Variants in ABCA13 observed in about 807,000 individuals in gnomAD.
ABCA13 encodes ATP-binding cassette sub-family A member 13.
ABCA13 carries 476 observed loss-of-function variants against 478.7 expected under a neutral mutation model. The observed-to-expected ratio is 0.99, with a 90% CI of 0.92 to 1.07. The LOEUF is 1.07. Among genes scored for constraint, ABCA13 ranks in the 50% least tolerant of loss-of-function variants. The pLI, the probability that ABCA13 is intolerant of heterozygous loss-of-function variation, is 0.00. For missense variants in ABCA13, 6,060 were observed against 5,910.6 expected (o/e 1.03, Z -0.83); for synonymous variants, 2,252 against 2,158.9 (o/e 1.04, Z -1.20).
intron 15 of ABCA13, among the ~76,000 whole-genome samples, chr7:48,254,286 T>C (rs1793044055): frequency 6.6e-6 from 1 of 152,026 alleles, no homozygotes; most frequent in African/African-American, 2.4e-5. Context: ...TTTTAAGAGG[T>C]AGAGTCTCAC....
chr7:48,505,730 C>G (rs1288169269), intron 48 of ABCA13, among the ~76,000 whole-genome samples: 6 of 152,214 alleles, frequency 3.9e-5, no homozygotes, highest in Non-Finnish European at 8.8e-5. Flanking sequence ...TCTGGGGAAG[C>G]ACTGTCCCAC....
At chr7:48,591,783 A>T (rs1458594431) in intron 57 of ABCA13, among the ~76,000 whole-genome samples, 3 of 151,956 alleles carry the variant, frequency 2.0e-5, no homozygotes, top group South Asian at 4.1e-4. Flanking sequence ...TTGTTATTTT[A>T]TGGAAGCACT....
chr7:48,279,345 C>G lies in ABCA13; in HGVS notation c.8151C>G (p.Ile2717Met). The G allele has an allele frequency of 6.3e-7, 1 of 1,585,980 alleles. No homozygotes were observed. The highest frequency in any genetic ancestry group is 8.6e-7 in the Non-Finnish European group (1 of 1,163,800). The stretch of plus-strand genomic sequence containing the variant: ...AATGGGAAATAATTCATGAAGTGAT[C>G]CCTTTTTTGGATAAAATATTATCAC... ...DIKWEIIHEVIPFLDKILSQN... is the reference protein window; with the variant it reads ...DIKWEIIHEVMPFLDKILSQN... The change falls in exon 18 of 62, where the codon ATC becomes ATG. Residue 2717 changes from isoleucine (I) to methionine (M), a missense_variant. Coordinates refer to ENST00000435803, the MANE Select transcript of ABCA13 (RefSeq NM_152701.5).
At chr7:48,552,453 G>T (rs1785411555) in intron 55 of ABCA13, among the ~76,000 whole-genome samples, 1 of 151,704 alleles carries the variant, frequency 6.6e-6, no homozygotes, top group South Asian at 2.1e-4. Context: ...GCTTACTTTG[G>T]TGGTGGTTGG....
intron 55 of ABCA13, among the ~76,000 whole-genome samples, chr7:48,551,773 C>G (rs1019237018): frequency 6.6e-6 from 1 of 151,666 alleles, no homozygotes; most frequent in Non-Finnish European, 1.5e-5. Flanking sequence ...GAGAGATTCC[C>G]TGTCCTGATT....
intron 45 of ABCA13, among the ~76,000 whole-genome samples, chr7:48,478,446 A>C (rs1828389941): frequency 6.6e-6 from 1 of 151,930 alleles, no homozygotes. Context: ...CTCTAAAAGC[A>C]GATTAATTGG....
At chr7:48,601,511 T>C (rs2131481757) in intron 58 of ABCA13, among the ~76,000 whole-genome samples, 1 of 152,332 alleles carries the variant, frequency 6.6e-6, no homozygotes, top group South Asian at 2.1e-4. Context: ...CTGAGAATGA[T>C]GATTTCCAGC....
chr7:48,393,321 T>C (rs1002988314), intron 38 of ABCA13, among the ~76,000 whole-genome samples: 4 of 152,212 alleles, frequency 2.6e-5, no homozygotes, highest in African/African-American at 9.6e-5. Flanking sequence ...CTCAGGAAGA[T>C]GCATGGCTCT....
chr7:48,420,819 G>A (rs1169167560), intron 41 of ABCA13, among the ~76,000 whole-genome samples: 1 of 149,514 alleles, frequency 6.7e-6, no homozygotes. Flanking sequence ...TTTCAATTGT[G>A]CCCCTCATGT....
At chr7:48,417,749 A>G (rs1287318568) in intron 41 of ABCA13, among the ~76,000 whole-genome samples, 1 of 152,144 alleles carries the variant, frequency 6.6e-6, no homozygotes, top group Non-Finnish European at 1.5e-5. Context: ...TTGGATGAGT[A>G]TATAATTCCA....
At position 48,310,031 on chromosome 7, in the gene ABCA13, GA is replaced by G; in HGVS notation, c.9411del (p.Lys3137AsnfsTer20). 1 of 1,613,962 alleles carries G rather than the reference GA, an allele frequency of 6.2e-7. No homozygotes were observed. Among genetic ancestry groups the G allele is most frequent in the Non-Finnish European group, 8.5e-7 (1 of 1,179,842 alleles). On this transcript the variant is annotated frameshift_variant, in exon 24 of 62. Transcript: ENST00000435803. LOFTEE classifies it high-confidence loss of function. ...TCTCCTGCTGACATTTCCCAAAGGG[GA>G]AAAATCTTGGATCGCAGCGGAGGAA... ...LHLLLTFPKG[E>X]KSWIAAEELC...
chr7:48,392,154 G>A lies in ABCA13; in HGVS notation c.11873+15G>A. 1 of 1,610,692 alleles carries A rather than the reference G, an allele frequency of 6.2e-7. No homozygotes were observed. Among genetic ancestry groups the A allele is most frequent in the Non-Finnish European group, 8.5e-7 (1 of 1,177,646 alleles). On this transcript the variant is annotated intron_variant, in intron 38 of 61. Coordinates refer to ENST00000435803, the MANE Select transcript of ABCA13 (RefSeq NM_152701.5). The stretch of plus-strand genomic sequence containing the variant: ...CAAGTCAATCAGTTAGTAAACAGTT[G>A]TCTCTCTGCTCCTCCTGCCTCTGCC...
At chr7:48,241,179 A>G (rs1175720426) in intron 10 of ABCA13, 113 bp downstream of exon 10, 26 of 1,281,900 alleles carry the variant, frequency 2.0e-5, no homozygotes, top group Non-Finnish European at 2.8e-5. Flanking sequence ...TAAATAATGA[A>G]TTTCTTGTTA....
intron 3 of ABCA13, among the ~76,000 whole-genome samples, chr7:48,210,190 T>A (rs1785442816): frequency 6.6e-6 from 1 of 152,088 alleles, no homozygotes; most frequent in Non-Finnish European, 1.5e-5. Flanking sequence ...GAAGCAAACA[T>A]GTTCTTCACA....
chr7:48,225,665 C>A (rs1788103944), intron 5 of ABCA13, among the ~76,000 whole-genome samples: 2 of 152,108 alleles, frequency 1.3e-5, no homozygotes, highest in Admixed American at 6.5e-5. Context: ...CTATCTATCT[C>A]AATTTTGGGG....
rs975273405 is a variant in ABCA13, at chr7:48,275,853, C to G, written c.6187C>G (p.Gln2063Glu). The change falls in exon 17 of 62, where the codon CAA (glutamine) becomes GAA (glutamate). Residue 2063 changes from glutamine (Q) to glutamate (E), a missense_variant. Physicochemically the swap from Gln to Glu is conservative, Grantham distance 29. This residue lies in a region of ABCA13 where 4,423 missense variants were observed against 4,309.1 expected (regional missense o/e 1.03). Transcript: ENST00000435803. ...YNFEELWPKF[Q>E]QIMKDLTQDF... ...CTTTGAAGAACTATGGCCCAAGTTT[C>G]AACAAATCATGAAAGACCTAACCCA... 2 of 1,613,278 alleles carry G rather than the reference C, an allele frequency of 1.2e-6. No individual in the cohort carries two copies. The highest frequency in any genetic ancestry group is 1.3e-5 in the African/African-American group (1 of 74,910).
chr7:48,374,364 C>T lies in ABCA13; in HGVS notation c.11151C>T (p.Thr3717=), dbSNP rs201955818. The T allele has an allele frequency of 8.8e-5, 141 of 1,610,016 alleles. No individual in the cohort carries two copies. The highest frequency in any genetic ancestry group is 1.7e-4 in the Middle Eastern group (1 of 6,052). ...GTGGGCAGTGCCTTCTTTCGACAAC[C>T]GCCTTTGGACAAGGGGTATTTTTTA... The part of the protein sequence containing the change: ...NQTFLCLLST[T]AFGQGVFFIT... Residue 3717 remains threonine, a synonymous_variant, in exon 34 of 62, where the codon ACC becomes ACT. Transcript: ENST00000435803.
chr7:48,217,947 C>G (rs1202566434), intron 3 of ABCA13, among the ~76,000 whole-genome samples: 1 of 152,200 alleles, frequency 6.6e-6, no homozygotes, highest in Non-Finnish European at 1.5e-5. Flanking sequence ...GGAAACTGCT[C>G]TCCACCCAAA....
chr7:48,372,399 G>T lies in ABCA13; in HGVS notation c.11035G>T (p.Ala3679Ser), dbSNP rs746236466. The change falls in exon 33 of 62, where the codon GCC (alanine) becomes TCC (serine). Residue 3679 changes from alanine to serine, a missense_variant. By Grantham distance (99) the Ala-to-Ser change is moderately conservative. Coordinates refer to ENST00000435803, the MANE Select transcript of ABCA13 (RefSeq NM_152701.5). ...ATTTTTCAGCCAAGCTAATACAGCGGCCCTTTGTACCAGCCTGGTGTACAT... is the reference window on the plus strand; with the variant it reads ...ATTTTTCAGCCAAGCTAATACAGCGTCCCTTTGTACCAGCCTGGTGTACAT... ...SAFFSQANTAALCTSLVYMIS... is the reference protein window; with the variant it reads ...SAFFSQANTASLCTSLVYMIS... 6 of 1,613,606 alleles carry T rather than the reference G, an allele frequency of 3.7e-6. No individual in the cohort carries two copies. The highest frequency in any genetic ancestry group is 5.1e-6 in the Non-Finnish European group (6 of 1,179,836).
Sources: gnomAD v4.1 joint callset for allele counts (sites outside exome capture counted in the v4.1 genomes callset) on GRCh38, gnomAD v4.1.1 for gene constraint, gnomAD v4.1.1 regional missense constraint, MANE v1.5 for transcripts, NCBI Gene and HGNC (gene_info 2026-07-23, HGNC 2026-07-21) for gene names.